Variants in CD99L2 observed in about 807,000 individuals in gnomAD.
CD99L2 encodes CD99 molecule like 2.
CD99L2 carries 24 observed loss-of-function variants against 27.3 expected under a neutral mutation model. The observed-to-expected ratio is 0.88, with a 90% CI of 0.64 to 1.24. The LOEUF (loss-of-function observed/expected upper bound fraction) is 1.24. CD99L2 is among the 50% of genes most tolerant of loss of function. The probability of loss-of-function intolerance (pLI) is 0.00; values close to 1 mark genes in which losing one functional copy is unlikely to be tolerated. For missense variants in CD99L2, 255 were observed against 221.6 expected (o/e 1.15, Z -0.96); for synonymous variants, 97 against 87.9 (o/e 1.10, Z -0.58).
chrX:150,873,885 T>C (rs2047193111), intron 1 of CD99L2, among the ~76,000 whole-genome samples: 1 of 112,439 alleles, frequency 8.9e-6, no homozygotes, highest in South Asian at 3.7e-4. Flanking sequence ...CAGGGTGCCC[T>C]GCTTGAACAC....
intron 1 of CD99L2, among the ~76,000 whole-genome samples, chrX:150,885,778 T>C (rs919647166): frequency 8.9e-6 from 1 of 112,603 alleles, no homozygotes; most frequent in Admixed American, 9.5e-5. Context: ...ATATGTTTAT[T>C]GTGCAATTTG....
chrX:150,817,955 G>T (rs1425694701), intron 2 of CD99L2, among the ~76,000 whole-genome samples: 1 of 109,841 alleles, frequency 9.1e-6, no homozygotes, highest in African/African-American at 3.3e-5. Flanking sequence ...ACTAATATCA[G>T]ATAAGATTTA....
chrX:150,774,880 C>G (rs1417830903), intron 9 of CD99L2, among the ~76,000 whole-genome samples: 3 of 112,167 alleles, frequency 2.7e-5, no homozygotes, highest in African/African-American at 9.7e-5. Flanking sequence ...TTCCCCAGCC[C>G]TGGACTCTGT....
At chrX:150,879,031 T>G (rs2047279218) in intron 1 of CD99L2, among the ~76,000 whole-genome samples, 1 of 111,775 alleles carries the variant, frequency 8.9e-6, no homozygotes, top group Non-Finnish European at 1.9e-5. Flanking sequence ...CAGCAAGGAG[T>G]GAGGTCACCC....
At chrX:150,772,348 C>T (rs1192676742) in intron 9 of CD99L2, among the ~76,000 whole-genome samples, 2 of 112,676 alleles carry the variant, frequency 1.8e-5, no homozygotes, top group South Asian at 3.6e-4. Flanking sequence ...CAGCAGGGGG[C>T]GCTGTAGGAC....
chrX:150,769,627 C>G (rs782659402), intron 10 of CD99L2, among the ~76,000 whole-genome samples: 99 of 109,508 alleles, frequency 9.0e-4, no homozygotes, highest in African/African-American at 3.2e-3. Context: ...ACGGCTGCTG[C>G]ACTGTAGTTC....
At chrX:150,869,842 C>T (rs1387229370) in intron 1 of CD99L2, among the ~76,000 whole-genome samples, 3 of 110,946 alleles carry the variant, frequency 2.7e-5, no homozygotes, top group Non-Finnish European at 3.8e-5. Flanking sequence ...CTCTTTCAAA[C>T]ATGTTTGTAT....
chrX:150,861,915 AAAAG>A (rs1160543881), intron 1 of CD99L2, among the ~76,000 whole-genome samples: 3 of 95,336 alleles, frequency 3.1e-5, no homozygotes, highest in African/African-American at 7.8e-5. Flanking sequence ...CAAAAAAAAA[AAAAG>A]AGAGAGAGAG....
chrX:150,868,084 A>T (rs868960804), intron 1 of CD99L2, among the ~76,000 whole-genome samples: 4 of 96,478 alleles, frequency 4.1e-5, no homozygotes, highest in Non-Finnish European at 8.2e-5. Context: ...TCCATCTCAA[A>T]AATAATAATA....
At chrX:150,843,812 T>C (rs1372238691) in intron 1 of CD99L2, among the ~76,000 whole-genome samples, 2 of 111,144 alleles carry the variant, frequency 1.8e-5, no homozygotes, top group Non-Finnish European at 3.8e-5. Context: ...ACTCACACTA[T>C]CCCTACGTTT....
At chrX:150,867,995 C>T (rs1172589295) in intron 1 of CD99L2, among the ~76,000 whole-genome samples, 1 of 92,468 alleles carries the variant, frequency 1.1e-5, no homozygotes, top group African/African-American at 4.0e-5. Context: ...GGCAGGAAAA[C>T]AGCTTGAGCC....
In CD99L2 at chrX:150,816,397, C is replaced by T. The variant is rs1481226173; in HGVS notation, c.131-319G>A. 1.8e-5 allele frequency: 5 copies of T among 275,195 alleles called. No homozygotes were observed. The East Asian group carries it at 3.7e-4, about 21-fold the overall frequency. 22.7% of individuals were successfully genotyped at this position (275,195 alleles called of 1,213,427 possible). On this transcript the variant is annotated intron_variant, in intron 2 of 10. Transcript: ENST00000370377. ...ATGGCACGTGGTCCAGGGAGTTCCACAGCCTGAGCATGATCCTTGAGGGCT... is the reference window on the plus strand; with the variant it reads ...ATGGCACGTGGTCCAGGGAGTTCCATAGCCTGAGCATGATCCTTGAGGGCT...
intron 2 of CD99L2, among the ~76,000 whole-genome samples, chrX:150,824,361 GGAAGAAGAAGAAGAAGAAGAAAGAA>G (rs1280040823): frequency 1.2e-5 from 1 of 81,168 alleles, no homozygotes. Context: ...GAAGGAAGAA[GGAAGAAGAAGAAGAAGAAGAAAGAA>G]GAAGAAGAAG....
intron 1 of CD99L2, among the ~76,000 whole-genome samples, chrX:150,873,759 G>C (rs2047191470): frequency 9.0e-6 from 1 of 111,111 alleles, no homozygotes; most frequent in African/African-American, 3.3e-5. Flanking sequence ...AGCACCCAGA[G>C]CATGAGATGG....
rs782638994 is a variant in CD99L2 at position 150,820,382 on chromosome X, T to C, written c.131-4304A>G. On this transcript the variant is annotated intron_variant, in intron 2 of 10. Coordinates refer to ENST00000370377, the MANE Select transcript of CD99L2 (RefSeq NM_031462.4). Reference sequence around the variant, plus strand: ...GAATAGAAGAGAATTTCCCATTTTGTTCTGCTTACTTCATCAGAGTCTACT... The same window carrying C: ...GAATAGAAGAGAATTTCCCATTTTGCTCTGCTTACTTCATCAGAGTCTACT... 2.7e-5 allele frequency among the ~76,000 whole-genome samples: 3 copies of C among 112,130 alleles called. No individual in the cohort carries two copies. In the East Asian group the frequency reaches 8.4e-4, roughly 31 times the overall value.
chrX:150,808,347 G>C (rs2124163775), intron 4 of CD99L2, among the ~76,000 whole-genome samples: 1 of 112,153 alleles, frequency 8.9e-6, no homozygotes, highest in South Asian at 3.7e-4. Flanking sequence ...GCTTTTATGG[G>C]GTTGGCACTT....
At chrX:150,825,402 T>C (rs1277724501) in intron 2 of CD99L2, among the ~76,000 whole-genome samples, 2 of 112,290 alleles carry the variant, frequency 1.8e-5, no homozygotes, top group African/African-American at 6.5e-5. Context: ...ACAGTCTTAA[T>C]TACGGTACCA....
intron 1 of CD99L2, among the ~76,000 whole-genome samples, chrX:150,877,429 G>C (rs2047246851): frequency 8.9e-6 from 1 of 111,982 alleles, no homozygotes; most frequent in African/African-American, 3.2e-5. Context: ...AAGAGAACCA[G>C]ATAAGTGATT....
At chrX:150,824,643 A>AAGGAGG (rs2046336487) in intron 2 of CD99L2, among the ~76,000 whole-genome samples, 1 of 70,153 alleles carries the variant, frequency 1.4e-5, no homozygotes, top group African/African-American at 8.0e-5. Flanking sequence ...GAAGGAGGAG[A>AAGGAGG]AGAAGAAGAA....
Sources: gnomAD v4.1 joint callset for allele counts (sites outside exome capture counted in the v4.1 genomes callset) on GRCh38, gnomAD v4.1.1 for gene constraint, MANE v1.5 for transcripts, NCBI Gene and HGNC (gene_info 2026-07-23, HGNC 2026-07-21) for gene names.